LRP6: variants seen among roughly 807,000 people sequenced by gnomAD.
LRP6 encodes low-density lipoprotein receptor-related protein 6.
In LRP6, 43 loss-of-function variants were observed where a neutral mutation model predicts 184.1. The observed-to-expected ratio is 0.23, with a 90% CI of 0.18 to 0.30. The LOEUF (loss-of-function observed/expected upper bound fraction) is 0.30, where lower values mean the gene tolerates loss of function less well. Among genes scored for constraint, LRP6 ranks in the 10% least tolerant of loss-of-function variants. The pLI, the probability that LRP6 is intolerant of heterozygous loss-of-function variation, is 1.00. For synonymous variants in LRP6, 719 were observed against 684.9 expected, an observed-to-expected ratio of 1.05 and a Z score of -0.78; for missense variants, 1,571 against 2,005.3, an observed-to-expected ratio of 0.78 and a Z score of 4.14.
chr12:12,198,432 T>G (rs1481143838), intron 3 of LRP6, among the ~76,000 whole-genome samples: 7 of 152,056 alleles, frequency 4.6e-5, no homozygotes, highest in Admixed American at 1.3e-4. Context: ...TTAAAGGTTT[T>G]TTGGTTTATT....
chr12:12,129,848 A>G (rs1459165158), intron 19 of LRP6, among the ~76,000 whole-genome samples: 1 of 151,932 alleles, frequency 6.6e-6, no homozygotes, highest in Non-Finnish European at 1.5e-5. Context: ...GCGCACTGGC[A>G]CAACACCCAA....
intron 12 of LRP6, among the ~76,000 whole-genome samples, chr12:12,156,305 TTCAACAG>T (rs1262230336): frequency 2.0e-5 from 3 of 152,110 alleles, no homozygotes; most frequent in African/African-American, 7.2e-5. Context: ...AAACAAGCAG[TTCAACAG>T]TCATGAAGCG....
Position 12,208,633 on chromosome 12 carries a change from A to C in LRP6, c.450-5233T>G, listed in dbSNP as rs560156995. Among the ~76,000 whole-genome samples the C allele has an allele frequency of 2.6e-5, 4 of 152,340 alleles. No homozygotes were observed. The South Asian group carries it at 8.3e-4, about 32-fold the overall frequency. ...TCACTACCACATCACAATGACTGGC[A>C]CATTGCACGTATTCTTTTTTAAATA... On this transcript the variant is annotated intron_variant, in intron 2 of 22. Transcript: ENST00000261349.
Position 12,159,779 on chromosome 12 carries a change from C to A in LRP6, c.2464+1G>T, listed in dbSNP as rs767404675. On this transcript the variant is annotated splice_donor_variant, in intron 11 of 22. Coordinates refer to ENST00000261349, the MANE Select transcript of LRP6 (RefSeq NM_002336.3). LOFTEE classifies it high-confidence loss of function. ...TTTGAGTAAAAAGTAGTAAAGCTTACCAAGCATATTTGAAGATTCTATTAA... is the reference window on the plus strand; with the variant it reads ...TTTGAGTAAAAAGTAGTAAAGCTTAACAAGCATATTTGAAGATTCTATTAA... The A allele has an allele frequency of 6.2e-7, 1 of 1,613,900 alleles. No homozygotes were observed. The highest frequency in any genetic ancestry group is 1.1e-5 in the South Asian group (1 of 91,074).
intron 2 of LRP6, among the ~76,000 whole-genome samples, chr12:12,232,581 AG>A (rs1406249798): frequency 3.1e-5 from 3 of 95,366 alleles, no homozygotes; most frequent in East Asian, 8.8e-4. Context: ...AGAATCCAGC[AG>A]GTGCAAAAAA....
intron 1 of LRP6, among the ~76,000 whole-genome samples, chr12:12,259,425 C>G (rs1248509161): frequency 6.6e-6 from 1 of 152,006 alleles, no homozygotes; most frequent in Non-Finnish European, 1.5e-5. Context: ...GAAATTAGTT[C>G]CAAAATATTT....
intron 1 of LRP6, among the ~76,000 whole-genome samples, chr12:12,252,057 C>G (rs1165661438): frequency 2.0e-5 from 3 of 152,118 alleles, no homozygotes. Context: ...TTTCGCCCAG[C>G]TAATTTCTGT....
At chr12:12,179,507 T>C (rs556349140) in intron 7 of LRP6, among the ~76,000 whole-genome samples, 10 of 152,264 alleles carry the variant, frequency 6.6e-5, no homozygotes, top group African/African-American at 2.4e-4. Context: ...TTGCAGAAAT[T>C]GCCCCTAGGA....
intron 2 of LRP6, among the ~76,000 whole-genome samples, chr12:12,229,024 A>T (rs2135886939): frequency 6.6e-6 from 1 of 152,340 alleles, no homozygotes. Context: ...AGGGAAAAAA[A>T]CATTCTCAAG....
intron 7 of LRP6, among the ~76,000 whole-genome samples, chr12:12,167,866 T>G (rs1021262484): frequency 2.0e-5 from 3 of 152,030 alleles, no homozygotes; most frequent in Admixed American, 6.6e-5. Flanking sequence ...TACATAAATA[T>G]AAAAGAATAT....
intron 2 of LRP6, among the ~76,000 whole-genome samples, chr12:12,238,083 A>C (rs560625708): frequency 1.3e-5 from 2 of 152,296 alleles, no homozygotes; most frequent in African/African-American, 4.8e-5. Flanking sequence ...ATGTAGCTGA[A>C]ATTTCTTCAT....
Position 12,126,907 on chromosome 12 carries a change from G to C in LRP6, c.4096C>G (p.Pro1366Ala). Residue 1366 changes from proline (P) to alanine (A), a missense_variant, in exon 20 of 23, where the codon CCA becomes GCA. Transcript: ENST00000261349. ...ACTGTATTGGTGGCCTGTGGTGCTG[G>C]TTCTTCAGTCGGATCTACAATGAAG... Reference protein sequence around the residue: ...DELDCYPTEEPAPQATNTVGS... With the variant: ...DELDCYPTEEAAPQATNTVGS... The C allele has an allele frequency of 6.2e-7, 1 of 1,613,952 alleles. No homozygotes were observed. The highest frequency in any genetic ancestry group is 2.2e-5 in the East Asian group (1 of 44,884).
intron 1 of LRP6, among the ~76,000 whole-genome samples, chr12:12,247,712 A>G (rs1447272556): frequency 1.3e-5 from 2 of 152,182 alleles, no homozygotes; most frequent in Non-Finnish European, 2.9e-5. Context: ...GATAGGTATA[A>G]TTTGATTTGT....
intron 2 of LRP6, among the ~76,000 whole-genome samples, chr12:12,209,656 T>C (rs1249689249): frequency 2.0e-5 from 3 of 152,198 alleles, no homozygotes; most frequent in Admixed American, 1.3e-4. Flanking sequence ...GAAAAAGCGA[T>C]TAGGACACAG....
At chr12:12,152,355 C>T (rs7137934) in intron 12 of LRP6, among the ~76,000 whole-genome samples, 1,722 of 152,154 alleles carry the variant, frequency 0.011, 29 homozygotes, top group African/African-American at 0.039. Context: ...GGTGCGATCT[C>T]GGCTCACTGC....
chr12:12,221,926 T>C (rs1219356714), intron 2 of LRP6, among the ~76,000 whole-genome samples: 1 of 152,162 alleles, frequency 6.6e-6, no homozygotes, highest in African/African-American at 2.4e-5. Flanking sequence ...TAAAATATGA[T>C]TGAGATTTAA....
intron 7 of LRP6, among the ~76,000 whole-genome samples, chr12:12,168,441 T>C (rs943244072): frequency 6.6e-6 from 1 of 152,160 alleles, no homozygotes; most frequent in Non-Finnish European, 1.5e-5. Flanking sequence ...CACGACATGT[T>C]TGACTTTGAA....
chr12:12,130,665 C>A, intron 19 of LRP6, 118 bp downstream of exon 19: 1 of 682,884 alleles, frequency 1.5e-6, no homozygotes, highest in South Asian at 1.7e-5. Context: ...AAATAATTAG[C>A]TTAATATTAA....
Position 12,119,758 on chromosome 12 carries a change from GA to G in LRP6, c.*1367del, listed in dbSNP as rs1376750586. On this transcript the variant is annotated 3_prime_UTR_variant, in exon 23 of 23. Coordinates refer to ENST00000261349, the MANE Select transcript of LRP6 (RefSeq NM_002336.3). ...TACAAGAATAATTTGTGGATAATTT[GA>G]AAACAGCCTAACATTCACAGTGGGT... 5 of 151,782 alleles carry G rather than the reference GA, an allele frequency of 3.3e-5. No individual in the cohort carries two copies. 9.4% of individuals were successfully genotyped at this position (151,782 alleles called of 1,614,324 possible).
Sources: allele counts gnomAD v4.1 joint callset (sites outside exome capture counted in the v4.1 genomes callset), GRCh38; gene constraint gnomAD v4.1.1; transcripts MANE v1.5; gene names NCBI Gene and HGNC (gene_info 2026-07-23, HGNC 2026-07-21).